CHL1: variants seen among roughly 807,000 people sequenced by gnomAD.
The protein encoded by CHL1 is neural cell adhesion molecule L1-like protein.
Under a neutral mutation model 141.9 loss-of-function variants are expected in CHL1, and 96 were observed. That is an observed-to-expected ratio of 0.68 (90% CI 0.57 to 0.80). The LOEUF (loss-of-function observed/expected upper bound fraction) is 0.80. Among genes scored for constraint, CHL1 ranks in the 30% least tolerant of loss-of-function variants. The pLI, the probability that CHL1 is intolerant of heterozygous loss-of-function variation, is 0.00. For missense variants in CHL1, 1,820 were observed against 1,457.2 expected (o/e 1.25, Z -4.05); for synonymous variants, 613 against 502.2 (o/e 1.22, Z -2.95).
At chr3:235,894 G>T (rs1402615290) in intron 1 of CHL1, among the ~76,000 whole-genome samples, 6 of 152,182 alleles carry the variant, frequency 3.9e-5, no homozygotes, top group Non-Finnish European at 8.8e-5. Context: ...ATACTCCAAG[G>T]TGGGAAACAG....
chr3:345,739 T>C (rs1450316357), intron 9 of CHL1, among the ~76,000 whole-genome samples: 1 of 152,110 alleles, frequency 6.6e-6, no homozygotes, highest in Non-Finnish European at 1.5e-5. Flanking sequence ...TGAGTTGGCC[T>C]CCCAAAATGC....
intron 2 of CHL1, among the ~76,000 whole-genome samples, chr3:311,599 T>C (rs1423681327): frequency 6.6e-6 from 1 of 152,110 alleles, no homozygotes; most frequent in Non-Finnish European, 1.5e-5. Flanking sequence ...AGCACCTTGG[T>C]TGTAATCCAA....
rs1355900950 is a variant in CHL1 at position 382,232 on chromosome 3, G to C, written c.1930G>C (p.Val644Leu). Reference sequence around the variant, plus strand: ...CTTGTCTGAAAGACAGAACAGGAGTGTTCGGCTGACCTGGGAAGCTGGAGC... The same window carrying C: ...CTTGTCTGAAAGACAGAACAGGAGTCTTCGGCTGACCTGGGAAGCTGGAGC... The part of the protein sequence containing the change: ...LHLSERQNRS[V>L]RLTWEAGADH... The change falls in exon 17 of 28, where the codon GTT (valine) becomes CTT (leucine). Residue 644 changes from valine (V) to leucine (L), a missense_variant. Coordinates refer to ENST00000256509, the MANE Select transcript of CHL1 (RefSeq NM_006614.4). The C allele has an allele frequency of 3.7e-6, 6 of 1,613,796 alleles. No homozygotes were observed. The highest frequency in any genetic ancestry group is 5.1e-6 in the Non-Finnish European group (6 of 1,179,772).
At chr3:263,184 A>G (rs899307172) in intron 2 of CHL1, among the ~76,000 whole-genome samples, 2 of 152,114 alleles carry the variant, frequency 1.3e-5, no homozygotes, top group Non-Finnish European at 2.9e-5. Flanking sequence ...CGACTCATTG[A>G]CCCCAACTTC....
intron 2 of CHL1, among the ~76,000 whole-genome samples, chr3:291,981 C>G (rs1416908608): frequency 6.6e-6 from 1 of 152,176 alleles, no homozygotes; most frequent in Admixed American, 6.5e-5. Context: ...CCCTGAAATT[C>G]AAATGTTCAT....
chr3:368,881 T>G (rs765346768), intron 15 of CHL1, among the ~76,000 whole-genome samples: 3 of 152,214 alleles, frequency 2.0e-5, no homozygotes, highest in Non-Finnish European at 4.4e-5. Flanking sequence ...ATTTGTCAGT[T>G]TTGTCAAAGA....
Position 361,655 on chromosome 3 carries a change from C to T in CHL1, c.1307-44C>T, listed in dbSNP as rs1378767880. ...AGAAAAATTTAATTTGCATATCTTT[C>T]TTCCACAAAAGTTTAAAACTGCGTT... On this transcript the variant is annotated intron_variant, in intron 12 of 27. Transcript: ENST00000256509. The T allele has an allele frequency of 5.2e-6, 7 of 1,352,066 alleles. No homozygotes were observed. The South Asian group carries it at 7.0e-5, about 14-fold the overall frequency. The allele number at this position is 1,352,066 out of a possible 1,614,324, so 83.8% of individuals were successfully genotyped here. A position where few individuals can be genotyped will look rare whatever the true frequency, so the allele number is the denominator to read the frequency against.
intron 5 of CHL1, among the ~76,000 whole-genome samples, chr3:338,047 G>T (rs955677970): frequency 7.9e-5 from 12 of 152,072 alleles, no homozygotes; most frequent in Non-Finnish European, 1.3e-4. Flanking sequence ...GGCATTTTTA[G>T]TAGAGACGGG....
intron 13 of CHL1, 52 bp downstream of exon 13, chr3:361,862 C>T (rs969559664): frequency 2.5e-6 from 3 of 1,223,088 alleles, no homozygotes; most frequent in Non-Finnish European, 3.6e-6. Context: ...GTAGATTTGA[C>T]CTTGTTTCTT....
intron 11 of CHL1, among the ~76,000 whole-genome samples, chr3:356,683 C>G (rs1384358085): frequency 6.6e-6 from 1 of 151,990 alleles, no homozygotes; most frequent in African/African-American, 2.4e-5. Context: ...AGTCAGCCAC[C>G]TAAATAGCAG....
At chr3:382,956 A>C (rs1212738467) in intron 18 of CHL1, among the ~76,000 whole-genome samples, 1 of 152,224 alleles carries the variant, frequency 6.6e-6, no homozygotes, top group African/African-American at 2.4e-5. Flanking sequence ...GATATCATCA[A>C]GTAAGTTCTA....
chr3:208,186 A>G (rs531650572), intron 1 of CHL1, among the ~76,000 whole-genome samples: 1 of 152,302 alleles, frequency 6.6e-6, no homozygotes, highest in Non-Finnish European at 1.5e-5. Context: ...CAGTTGGAGG[A>G]TTAATGAGCT....
intron 2 of CHL1, among the ~76,000 whole-genome samples, chr3:275,144 A>G (rs1327922611): frequency 1.3e-5 from 2 of 152,222 alleles, no homozygotes; most frequent in Non-Finnish European, 2.9e-5. Flanking sequence ...TAGTGATGAA[A>G]CTGCCCCTTA....
intron 16 of CHL1, among the ~76,000 whole-genome samples, chr3:381,372 G>T (rs1369733115): frequency 6.6e-6 from 1 of 152,084 alleles, no homozygotes; most frequent in African/African-American, 2.4e-5. Context: ...CTATACTGAG[G>T]TTTGCAGTGG....
At chr3:346,699 C>T (rs769014302) in intron 9 of CHL1, among the ~76,000 whole-genome samples, 10 of 152,154 alleles carry the variant, frequency 6.6e-5, no homozygotes, top group Non-Finnish European at 1.0e-4. Context: ...TCTTCTTACT[C>T]ATACTGATTT....
At chr3:320,551 G>A (rs1196152189) in intron 3 of CHL1, among the ~76,000 whole-genome samples, 1 of 151,988 alleles carries the variant, frequency 6.6e-6, no homozygotes, top group African/African-American at 2.4e-5. Context: ...GCAGGACATG[G>A]TGACACATGA....
chr3:398,156 C>A, intron 24 of CHL1, 71 bp from the exon 25 acceptor site: 2 of 1,106,986 alleles, frequency 1.8e-6, no homozygotes, highest in Non-Finnish European at 1.3e-6. Flanking sequence ...TCACCTCTAA[C>A]AACAATATTT....
In CHL1 at chr3:361,702, T is replaced by C; in HGVS notation, c.1310T>C (p.Val437Ala). 1 of 1,605,386 alleles carries C rather than the reference T, an allele frequency of 6.2e-7. No individual in the cohort carries two copies. Among genetic ancestry groups the C allele is most frequent in the Non-Finnish European group, 8.5e-7 (1 of 1,172,508 alleles). The change falls in exon 13 of 28, where the codon GTC (valine) becomes GCC (alanine). Residue 437 changes from valine (V) to alanine (A), a missense_variant. Transcript: ENST00000256509. ...CGTTTATGTTATTTTCAAATAGATGTCCGTCCATTGATACAAACCAAAGAT... is the reference window on the plus strand; with the variant it reads ...CGTTTATGTTATTTTCAAATAGATGCCCGTCCATTGATACAAACCAAAGAT... ...LANANIDVVD[V>A]RPLIQTKDGE... is the part of the protein sequence containing the mutation.
At chr3:216,414 G>C (rs1453452104) in intron 1 of CHL1, among the ~76,000 whole-genome samples, 1 of 152,122 alleles carries the variant, frequency 6.6e-6, no homozygotes, top group East Asian at 1.9e-4. Flanking sequence ...ATGTGATCAG[G>C]AGAATTAAAA....
Sources: allele counts gnomAD v4.1 joint callset (sites outside exome capture counted in the v4.1 genomes callset), GRCh38; gene constraint gnomAD v4.1.1; transcripts MANE v1.5; gene names NCBI Gene and HGNC (gene_info 2026-07-23, HGNC 2026-07-21).